The following SPIN2A variants were observed in gnomAD, a reference collection of about 807,000 sequenced individuals.
SPIN2A encodes spindlin-2A.
A neutral mutation model predicts 9.2 loss-of-function variants in SPIN2A; 4 were observed. The ratio of observed to expected loss-of-function variants is 0.44; its 90% confidence interval spans 0.21 to 1.00. The LOEUF (loss-of-function observed/expected upper bound fraction) is 1.00, where lower values mean the gene tolerates loss of function less well. SPIN2A is among the 50% of genes least tolerant of loss of function. SPIN2A has a pLI of 0.26. For missense variants in SPIN2A, 77 were observed against 172.8 expected (o/e 0.45, Z 3.11); for synonymous variants, 25 against 61.2 (o/e 0.41, Z 2.76).
At chrX:57,140,336 A>G (rs1602030595), upstream of SPIN2A, among the ~76,000 whole-genome samples, 4 of 106,683 alleles carry the variant, frequency 3.7e-5, 1 homozygote, top group Admixed American at 4.0e-4. Flanking sequence ...TCTCTTACCT[A>G]ATTGCTCTTG....
At chrX:57,137,038 T>G (rs767100153) in intron 1 of SPIN2A, 4 of 826,921 alleles carry the variant, frequency 4.8e-6, no homozygotes, top group East Asian at 2.0e-4. Flanking sequence ...CCTTGCTTCC[T>G]GGCGCTCACC....
At chrX:57,144,603 T>C in the SPIN2A span, among the ~76,000 whole-genome samples, 1 of 109,835 alleles carries the variant, frequency 9.1e-6, no homozygotes, top group Non-Finnish European at 1.9e-5. Flanking sequence ...ATTTGTGAGA[T>C]TTTGGTGCAC....
chrX:57,145,448 C>T, the SPIN2A span, among the ~76,000 whole-genome samples: 1 of 111,228 alleles, frequency 9.0e-6, no homozygotes, highest in African/African-American at 3.3e-5. Context: ...CAGGAGATTC[C>T]GGATATTAGT....
At chrX:57,147,063 G>C in the SPIN2A span, among the ~76,000 whole-genome samples, 1 of 110,936 alleles carries the variant, frequency 9.0e-6, no homozygotes, top group Non-Finnish European at 1.9e-5. Flanking sequence ...TTGGTGTTAG[G>C]GTGATACTCA....
chrX:57,144,882 CTATATA>C, the SPIN2A span, among the ~76,000 whole-genome samples: 1 of 103,601 alleles, frequency 9.7e-6, no homozygotes, highest in African/African-American at 3.6e-5. Flanking sequence ...TAGTATTCCA[CTATATA>C]TATATATATA....
chrX:57,142,133 C>T (rs1210053150), upstream of SPIN2A, among the ~76,000 whole-genome samples: 1 of 111,652 alleles, frequency 9.0e-6, no homozygotes, highest in South Asian at 3.7e-4. Flanking sequence ...TTATTTCTTT[C>T]CTTCTACTAA....
upstream of SPIN2A, among the ~76,000 whole-genome samples, chrX:57,139,095 G>A (rs901334367): frequency 2.7e-5 from 3 of 112,136 alleles, no homozygotes; most frequent in Non-Finnish European, 3.8e-5. Flanking sequence ...TCCTTTGCCT[G>A]TGCTTTGAGG....
At chrX:57,134,773 A>G (rs1482650291), downstream of SPIN2A, 1 of 111,850 alleles carries the variant, frequency 8.9e-6, no homozygotes, top group Non-Finnish European at 1.9e-5. Context: ...GAGGCAGCCC[A>G]CAGCCCAGCA....
chrX:57,137,097 A>G, intron 1 of SPIN2A, 163 bp downstream of exon 1: 1 of 777,215 alleles, frequency 1.3e-6, no homozygotes, highest in South Asian at 6.0e-5. Context: ...CCTGTCGTCC[A>G]CCGCACTCCC....
chrX:57,137,472 C>G (rs1283243401), upstream of SPIN2A: 1 of 385,290 alleles, frequency 2.6e-6, no homozygotes, highest in Non-Finnish European at 3.3e-6. Context: ...CCCTCAGCCA[C>G]GTTGGGCTGC....
At chrX:57,141,832 T>C (rs930634399), upstream of SPIN2A, among the ~76,000 whole-genome samples, 1 of 111,060 alleles carries the variant, frequency 9.0e-6, no homozygotes, top group Non-Finnish European at 1.9e-5. Context: ...CTGAAGAAAG[T>C]GTAGGTTTGT....
At chrX:57,135,453 G>A (rs1219654699), downstream of SPIN2A, 2 of 211,821 alleles carry the variant, frequency 9.4e-6, no homozygotes, top group Non-Finnish European at 1.7e-5. Context: ...CTCTCCCCAA[G>A]ACAGCCAATC....
upstream of SPIN2A, among the ~76,000 whole-genome samples, chrX:57,141,040 G>GT (rs1927989506): frequency 8.9e-6 from 1 of 111,771 alleles, no homozygotes; most frequent in Admixed American, 9.5e-5. Flanking sequence ...AGGCTTTCAG[G>GT]TTTTTTCCCA....
the SPIN2A span, among the ~76,000 whole-genome samples, chrX:57,144,892 ATATATATGTATG>A: frequency 3.0e-5 from 3 of 99,979 alleles, no homozygotes; most frequent in African/African-American, 4.0e-5. Flanking sequence ...CTATATATAT[ATATATATGTATG>A]TATATGTATG....
downstream of SPIN2A, chrX:57,135,376 C>A: frequency 6.3e-6 from 1 of 159,222 alleles, no homozygotes; most frequent in East Asian, 1.7e-4. Flanking sequence ...ATAGGTCATC[C>A]CCTCCCCCAA....
chrX:57,144,483 T>C, the SPIN2A span, among the ~76,000 whole-genome samples: 1 of 109,796 alleles, frequency 9.1e-6, no homozygotes, highest in South Asian at 3.9e-4. Flanking sequence ...ATTTTCTGGA[T>C]CTCGTAAGCA....
the SPIN2A span, among the ~76,000 whole-genome samples, chrX:57,143,364 G>A: frequency 9.0e-6 from 1 of 110,560 alleles, no homozygotes; most frequent in Non-Finnish European, 1.9e-5. Context: ...GGACGATGGT[G>A]GAGAAAAAAA....
At chrX:57,140,152 C>T (rs113569977), upstream of SPIN2A, among the ~76,000 whole-genome samples, 1,800 of 110,911 alleles carry the variant, frequency 0.016, 14 homozygotes, top group Middle Eastern at 0.037. Flanking sequence ...TCTTTTTTTA[C>T]ACAGTTGGCA....
the SPIN2A span, among the ~76,000 whole-genome samples, chrX:57,145,606 G>A: frequency 8.9e-6 from 1 of 111,741 alleles, no homozygotes; most frequent in African/African-American, 3.2e-5. Flanking sequence ...ATTCGCTTTT[G>A]GGTTCTTGGT....
Sources: allele counts gnomAD v4.1 joint callset (sites outside exome capture counted in the v4.1 genomes callset), GRCh38; gene constraint gnomAD v4.1.1; transcripts MANE v1.5; gene names NCBI Gene and HGNC (gene_info 2026-07-23, HGNC 2026-07-21).